Variants in AMN1 observed in about 807,000 individuals in gnomAD.
The protein encoded by AMN1 is protein AMN1 homolog.
A neutral mutation model predicts 33.0 loss-of-function variants in AMN1; 20 were observed. The ratio of observed to expected loss-of-function variants is 0.61; its 90% confidence interval spans 0.43 to 0.88. The LOEUF (loss-of-function observed/expected upper bound fraction) is 0.88. Ranked by LOEUF, AMN1 falls within the 40% of genes least tolerant of loss-of-function variation. The probability of loss-of-function intolerance (pLI) is 0.00; values close to 1 mark genes in which losing one functional copy is unlikely to be tolerated. For synonymous variants in AMN1, 114 were observed against 111.9 expected (o/e 1.02, Z -0.12); for missense variants, 246 against 307.4 (o/e 0.80, Z 1.49).
chr12:31,688,680 G>T (rs1226894285), intron 6 of AMN1, among the ~76,000 whole-genome samples: 1 of 152,062 alleles, frequency 6.6e-6, no homozygotes, highest in Non-Finnish European at 1.5e-5. Context: ...GCATGGTGGC[G>T]TGCACCTGTA....
intron 6 of AMN1, among the ~76,000 whole-genome samples, chr12:31,675,552 A>G (rs967857751): frequency 2.0e-4 from 30 of 150,604 alleles, no homozygotes; most frequent in African/African-American, 7.4e-4. Flanking sequence ...CTGGAGTTCA[A>G]TGATGTGATC....
intron 2 of AMN1, among the ~76,000 whole-genome samples, chr12:31,706,667 G>A (rs1466635812): frequency 2.0e-5 from 3 of 152,196 alleles, no homozygotes; most frequent in East Asian, 3.8e-4. Flanking sequence ...AATCTCACGG[G>A]CTGTTTAGCA....
intron 6 of AMN1, among the ~76,000 whole-genome samples, chr12:31,686,563 T>A (rs1309569599): frequency 1.3e-5 from 2 of 152,232 alleles, no homozygotes; most frequent in Admixed American, 1.3e-4. Context: ...CGAAAATGTG[T>A]TCAATATACC....
chr12:31,692,503 AAG>A (rs1481368477), intron 5 of AMN1, among the ~76,000 whole-genome samples: 1 of 152,064 alleles, frequency 6.6e-6, no homozygotes, highest in African/African-American at 2.4e-5. Context: ...CATTAAAAAA[AAG>A]AAAATATTTC....
chr12:31,703,674 C>T (rs763032434), intron 2 of AMN1, among the ~76,000 whole-genome samples: 6 of 152,080 alleles, frequency 3.9e-5, no homozygotes, highest in East Asian at 1.9e-4. Flanking sequence ...GTTTAAAAAA[C>T]GCTTTGAAGA....
chr12:31,688,245 C>T (rs7134441), intron 6 of AMN1, among the ~76,000 whole-genome samples: 2,087 of 152,320 alleles, frequency 0.014, 48 homozygotes, highest in African/African-American at 0.047. Context: ...TGAGCCACCA[C>T]GCCCGGCTAT....
At chr12:31,716,264 A>G (rs1939672634) in intron 1 of AMN1, among the ~76,000 whole-genome samples, 1 of 152,212 alleles carries the variant, frequency 6.6e-6, no homozygotes, top group African/African-American at 2.4e-5. Context: ...TCTACAGTGA[A>G]TATACAGTTG....
chr12:31,686,424 G>A (rs1305261979), intron 6 of AMN1, among the ~76,000 whole-genome samples: 4 of 152,154 alleles, frequency 2.6e-5, no homozygotes, highest in Non-Finnish European at 5.9e-5. Context: ...CAGCCTGGGT[G>A]ACAGAGTGAG....
chr12:31,680,219 G>A (rs2139657129), intron 6 of AMN1, among the ~76,000 whole-genome samples: 1 of 151,362 alleles, frequency 6.6e-6, no homozygotes, highest in South Asian at 2.1e-4. Flanking sequence ...TTTCTTTTGA[G>A]ATGGAGTTTT....
intron 6 of AMN1, among the ~76,000 whole-genome samples, chr12:31,684,693 G>C (rs368759528): frequency 6.6e-6 from 1 of 152,040 alleles, no homozygotes; most frequent in Non-Finnish European, 1.5e-5. Flanking sequence ...GGATGATCTC[G>C]ATCTCCTGAC....
chr12:31,712,044 CCCTCCCTCCCTT>C (rs1397831332), intron 1 of AMN1, among the ~76,000 whole-genome samples: 1 of 150,920 alleles, frequency 6.6e-6, no homozygotes, highest in Non-Finnish European at 1.5e-5. Flanking sequence ...ATTCATTCCC[CCCTCCCTCCCTT>C]CCTCCCTCCC....
chr12:31,686,982 A>G (rs978252118), intron 6 of AMN1, among the ~76,000 whole-genome samples: 6 of 152,152 alleles, frequency 3.9e-5, no homozygotes, highest in Non-Finnish European at 7.4e-5. Context: ...CTGTGCAGCT[A>G]ACCCCAGTTA....
At chr12:31,685,161 T>TGGGATTA (rs1480520734) in intron 6 of AMN1, among the ~76,000 whole-genome samples, 2 of 151,916 alleles carry the variant, frequency 1.3e-5, no homozygotes, top group Non-Finnish European at 2.9e-5. Context: ...CCCAAGTAGC[T>TGGGATTA]GGGATTACAG....
chr12:31,692,403 G>A (rs1938539716), intron 5 of AMN1, among the ~76,000 whole-genome samples: 1 of 150,330 alleles, frequency 6.7e-6, no homozygotes. Flanking sequence ...GTTGCAGTGA[G>A]CCGAGATCAC....
chr12:31,719,719 T>C (rs1332458614), intron 1 of AMN1, among the ~76,000 whole-genome samples: 3 of 152,228 alleles, frequency 2.0e-5, no homozygotes, highest in Non-Finnish European at 4.4e-5. Context: ...TAAAGATGTA[T>C]AGATCCTAAG....
chr12:31,709,431 A>G lies in AMN1; in HGVS notation c.39-6T>C. 3.1e-6 allele frequency: 5 copies of G among 1,607,810 alleles called. No individual in the cohort carries two copies. The highest frequency in any genetic ancestry group is 4.3e-6 in the Non-Finnish European group (5 of 1,176,204). On this transcript the variant is annotated splice_region_variant and splice_polypyrimidine_tract_variant and intron_variant, in intron 1 of 6. Coordinates refer to ENST00000281471, the MANE Select transcript of AMN1 (RefSeq NM_001113402.2). ...TCATGAAGCACCAAAGGCATCTGAA[A>G]TACAAATACAATATAGTAAATCACA...
intron 5 of AMN1, 37 bp downstream of exon 5, chr12:31,697,324 T>G (rs779656149): frequency 1.6e-5 from 25 of 1,560,060 alleles, no homozygotes; most frequent in East Asian, 6.8e-5. Context: ...ATATAAAAAT[T>G]TAATCACCAC....
chr12:31,672,312 C>A lies in AMN1; in HGVS notation c.769G>T (p.Val257Phe). Residue 257 changes from valine (V) to phenylalanine (F), a missense_variant, in exon 7 of 7, where the codon GTT becomes TTT. By Grantham distance (50) the Val-to-Phe change is conservative (BLOSUM62 -1). Coordinates refer to ENST00000281471, the MANE Select transcript of AMN1 (RefSeq NM_001113402.2). Reference protein sequence around the residue: ...PNKLKQVTWTVY With the variant: ...PNKLKQVTWTFY ...TCATCTTCAAAAAAGCATCAATAAA[C>A]AGTCCATGTCACTTGCTTTAGTTTG... The A allele has an allele frequency of 6.4e-7, 1 of 1,573,252 alleles. No individual in the cohort carries two copies. Among genetic ancestry groups the A allele is most frequent in the Non-Finnish European group, 8.6e-7 (1 of 1,156,980 alleles).
rs142876897 is a variant in AMN1 at position 31,681,966 on chromosome 12, C to T, written c.703+7041G>A. On this transcript the variant is annotated intron_variant, in intron 6 of 6. Transcript: ENST00000281471. ...TGCTGGGATTACAGGCATGAGCCACCGCACCCTGACACAAATAACATTTCA... is the reference window on the plus strand; with the variant it reads ...TGCTGGGATTACAGGCATGAGCCACTGCACCCTGACACAAATAACATTTCA... 3.1e-3 allele frequency among the ~76,000 whole-genome samples: 465 copies of T among 152,256 alleles called. 5 individuals carry two copies. Among genetic ancestry groups the T allele is most frequent in the African/African-American group, 0.01 (435 of 41,536 alleles).
Sources: allele counts gnomAD v4.1 joint callset (sites outside exome capture counted in the v4.1 genomes callset), GRCh38; gene constraint gnomAD v4.1.1; transcripts MANE v1.5; gene names NCBI Gene and HGNC (gene_info 2026-07-23, HGNC 2026-07-21).